Variants in RECK observed in about 807,000 individuals in gnomAD.
RECK encodes reversion-inducing cysteine-rich protein with Kazal motifs.
Under a neutral mutation model 115.1 loss-of-function variants are expected in RECK, and 69 were observed. The ratio of observed to expected loss-of-function variants is 0.60; its 90% CI spans 0.49 to 0.73. The LOEUF is 0.73. RECK is among the 30% of genes least tolerant of loss of function. The probability of loss-of-function intolerance (pLI) is 0.00; values close to 1 mark genes in which losing one functional copy is unlikely to be tolerated. For missense variants in RECK, 1,047 were observed against 1,203.7 expected (o/e 0.87, Z 1.93); for synonymous variants, 414 against 419.7 (o/e 0.99, Z 0.17).
chr9:36,102,309 G>A (rs895949399), intron 12 of RECK, 79 bp downstream of exon 12: 1 of 1,262,734 alleles, frequency 7.9e-7, no homozygotes, highest in African/African-American at 1.5e-5. Context: ...ATTTGTTTTG[G>A]ATGAGCATTT....
intron 10 of RECK, among the ~76,000 whole-genome samples, chr9:36,093,642 A>C (rs990340991): frequency 6.6e-6 from 1 of 151,936 alleles, no homozygotes; most frequent in Non-Finnish European, 1.5e-5. Context: ...CATCTGTGGT[A>C]GTAACCCAGA....
intron 1 of RECK, among the ~76,000 whole-genome samples, chr9:36,044,411 A>G (rs527822016): frequency 6.6e-6 from 1 of 152,274 alleles, no homozygotes; most frequent in East Asian, 1.9e-4. Context: ...ATACGATCAT[A>G]TGATCGGCAA....
chr9:36,059,476 C>T (rs1056840599), intron 3 of RECK, among the ~76,000 whole-genome samples: 1 of 151,040 alleles, frequency 6.6e-6, no homozygotes, highest in Non-Finnish European at 1.5e-5. Context: ...AAAAAATTAT[C>T]TGGAACTTAG....
At chr9:36,088,856 A>G (rs1408907191) in intron 9 of RECK, among the ~76,000 whole-genome samples, 1 of 152,192 alleles carries the variant, frequency 6.6e-6, no homozygotes, top group Non-Finnish European at 1.5e-5. Context: ...TGTCTCTACT[A>G]AAAAATATAC....
In RECK at chr9:36,100,443, C is replaced by G. The variant is rs1823518880; in HGVS notation, c.1198C>G (p.Leu400Val). 3.1e-6 allele frequency: 5 copies of G among 1,613,218 alleles called. No homozygotes were observed. Among genetic ancestry groups the G allele is most frequent in the Non-Finnish European group, 4.2e-6 (5 of 1,179,222 alleles). ...IKMPFINIPV[L>V]DIKKCQPEMW... ...GATGCCATTTATCAATATACCTGTT[C>G]TTGATATTAAAAAGTGCCAGCCAGA... Residue 400 changes from leucine (L) to valine (V), a missense_variant, in exon 11 of 21, where the codon CTT (leucine) becomes GTT (valine). Physicochemically the swap from Leu to Val is conservative, Grantham distance 32. Transcript: ENST00000377966.
intron 6 of RECK, among the ~76,000 whole-genome samples, chr9:36,073,509 C>T (rs969599000): frequency 6.6e-6 from 1 of 152,162 alleles, no homozygotes; most frequent in Non-Finnish European, 1.5e-5. Flanking sequence ...TTAGGTCTTT[C>T]TGCCACTTTT....
intron 6 of RECK, among the ~76,000 whole-genome samples, chr9:36,068,963 T>C (rs1406542300): frequency 6.6e-6 from 1 of 152,146 alleles, no homozygotes; most frequent in East Asian, 1.9e-4. Context: ...TCTGAAATGG[T>C]AGTGGCCCTC....
At chr9:36,075,411 G>A (rs1822412623) in intron 6 of RECK, among the ~76,000 whole-genome samples, 1 of 152,116 alleles carries the variant, frequency 6.6e-6, no homozygotes, top group Admixed American at 6.6e-5. Context: ...GCTCATTTCT[G>A]TTTTGAGTGT....
chr9:36,104,916 G>T (rs778932364), intron 12 of RECK, among the ~76,000 whole-genome samples: 4 of 151,752 alleles, frequency 2.6e-5, no homozygotes, highest in Non-Finnish European at 5.9e-5. Context: ...ACCTTGCCTG[G>T]AATATTGTAG....
intron 2 of RECK, among the ~76,000 whole-genome samples, chr9:36,054,400 T>C (rs1368526824): frequency 6.6e-6 from 1 of 151,518 alleles, no homozygotes; most frequent in African/African-American, 2.4e-5. Flanking sequence ...CTTATCATAT[T>C]CAGCAAAATA....
chr9:36,091,155 T>C lies in RECK; in HGVS notation c.906-9T>C. 1 of 1,613,530 alleles carries C rather than the reference T, an allele frequency of 6.2e-7. No homozygotes were observed. Among genetic ancestry groups the C allele is most frequent in the East Asian group, 2.2e-5 (1 of 44,856 alleles). ...CATGTCGGCTTCTGCATTTGTGCTC[T>C]TGTTTCAGGGAACTCTGCACTAAAC... On this transcript the variant is annotated splice_polypyrimidine_tract_variant and intron_variant, in intron 9 of 20. Coordinates refer to ENST00000377966, the MANE Select transcript of RECK (RefSeq NM_021111.3).
intron 20 of RECK, 140 bp downstream of exon 20, chr9:36,121,828 G>T: frequency 1.1e-6 from 1 of 877,990 alleles, no homozygotes; most frequent in East Asian, 2.5e-5. Flanking sequence ...CGGGACAGGA[G>T]GGAGAAAAGC....
Position 36,108,246 on chromosome 9 carries a change from CCA to C in RECK, c.1765+85_1765+86del, listed in dbSNP as rs148103459. The C allele has an allele frequency of 3.5e-5, 37 of 1,051,418 alleles. No homozygotes were observed. In the African/African-American group the frequency reaches 6.0e-4, roughly 17 times the overall value. 65.1% of individuals were successfully genotyped at this position (1,051,418 alleles called of 1,614,324 possible). Reference sequence around the variant, plus strand: ...AGGAAGAATACTGGATAGATTCTGACCACAGAGTAAGGTCTGCATATCAGATA... The same window carrying C: ...AGGAAGAATACTGGATAGATTCTGACCAGAGTAAGGTCTGCATATCAGATA... On this transcript the variant is annotated intron_variant, in intron 14 of 20. Transcript: ENST00000377966.
chr9:36,117,813 C>G (rs1481188030), intron 17 of RECK, among the ~76,000 whole-genome samples: 1 of 152,190 alleles, frequency 6.6e-6, no homozygotes, highest in Non-Finnish European at 1.5e-5. Context: ...AACCCCATCT[C>G]TACTAAAAAT....
chr9:36,066,042 G>C (rs1821983468), intron 6 of RECK, among the ~76,000 whole-genome samples: 2 of 152,056 alleles, frequency 1.3e-5, no homozygotes, highest in Admixed American at 6.5e-5. Context: ...AAATCACAGG[G>C]CTAGTGTGAA....
intron 6 of RECK, among the ~76,000 whole-genome samples, chr9:36,070,348 T>C (rs1004288982): frequency 1.3e-5 from 2 of 152,126 alleles, no homozygotes; most frequent in African/African-American, 4.8e-5. Flanking sequence ...AGACTAAAGA[T>C]GAGGAGAATT....
chr9:36,114,413 A>G (rs905464406), intron 16 of RECK, among the ~76,000 whole-genome samples: 15 of 152,248 alleles, frequency 9.9e-5, no homozygotes, highest in Admixed American at 3.3e-4. Context: ...AACATGGTAT[A>G]GGGAAATAGC....
At chr9:36,117,894 C>T (rs1587099243) in intron 17 of RECK, among the ~76,000 whole-genome samples, 1 of 152,046 alleles carries the variant, frequency 6.6e-6, no homozygotes, top group South Asian at 2.1e-4. Context: ...GCAGGAGAAT[C>T]GCTTGAACCC....
chr9:36,075,119 G>A (rs887680683), intron 6 of RECK, among the ~76,000 whole-genome samples: 6 of 152,032 alleles, frequency 3.9e-5, no homozygotes, highest in South Asian at 2.1e-4. Context: ...AGTGTAGTTC[G>A]GGCAACTGCT....
Sources: allele counts gnomAD v4.1 joint callset (sites outside exome capture counted in the v4.1 genomes callset), GRCh38; gene constraint gnomAD v4.1.1; transcripts MANE v1.5; gene names NCBI Gene and HGNC (gene_info 2026-07-23, HGNC 2026-07-21).